VSNL1: variants seen among roughly 807,000 people sequenced by gnomAD.
VSNL1 encodes visinin like 1.
A neutral mutation model predicts 20.4 loss-of-function variants in VSNL1; 6 were observed. That is an observed-to-expected ratio of 0.29 (90% CI 0.16 to 0.58). VSNL1 has a LOEUF of 0.58. VSNL1 is among the 20% of genes least tolerant of loss of function. VSNL1 has a pLI of 0.90. For synonymous variants in VSNL1, 93 were observed against 86.4 expected (o/e 1.08, Z -0.42); for missense variants, 100 against 234.5 (o/e 0.43, Z 3.75).
chr2:17,649,656 G>A lies in VSNL1; in HGVS notation c.378+31G>A, dbSNP rs762520971. On this transcript the variant is annotated intron_variant, in intron 3 of 3. Transcript: ENST00000295156. The surrounding 1 kb of genome is among the most constrained non-coding windows in gnomAD (Gnocchi z 6.4). ...GCCCGGGGTGTGGTTGGCGGGTGGT[G>A]GGCACAGAAGGAGACCCCACGGCAG... 7 of 1,609,670 alleles carry A rather than the reference G, an allele frequency of 4.3e-6. No homozygotes were observed. The highest frequency in any genetic ancestry group is 4.0e-5 in the African/African-American group (3 of 74,796).
At chr2:17,629,840 C>T (rs1665592401) in intron 2 of VSNL1, among the ~76,000 whole-genome samples, 1 of 152,210 alleles carries the variant, frequency 6.6e-6, no homozygotes, top group South Asian at 2.1e-4. Flanking sequence ...TGAAACAGCT[C>T]TCAGCTGAGA....
chr2:17,579,817 TACAA>T (rs970113479), intron 1 of VSNL1, among the ~76,000 whole-genome samples: 2 of 152,186 alleles, frequency 1.3e-5, no homozygotes, highest in African/African-American at 4.8e-5. Flanking sequence ...CCACTCCCTT[TACAA>T]ACAATGAATT....
At chr2:17,600,355 A>C (rs1346436296) in intron 2 of VSNL1, among the ~76,000 whole-genome samples, 2 of 152,214 alleles carry the variant, frequency 1.3e-5, no homozygotes, top group Non-Finnish European at 2.9e-5. Context: ...GCATTGAATC[A>C]TCTTGCACAG....
intron 2 of VSNL1, among the ~76,000 whole-genome samples, chr2:17,594,139 G>A (rs1664658222): frequency 6.6e-6 from 1 of 152,204 alleles, no homozygotes; most frequent in Non-Finnish European, 1.5e-5. Context: ...CTCAAGGTGA[G>A]GGGTCATGTA....
intron 1 of VSNL1, among the ~76,000 whole-genome samples, chr2:17,542,379 G>A (rs868598370): frequency 2.0e-5 from 3 of 152,152 alleles, no homozygotes; most frequent in Non-Finnish European, 2.9e-5. Flanking sequence ...TGGCTAGTGC[G>A]TGCTGGATTT....
chr2:17,592,679 T>C (rs977791225), intron 2 of VSNL1, among the ~76,000 whole-genome samples: 1 of 71,130 alleles, frequency 1.4e-5, no homozygotes, highest in South Asian at 5.3e-4. Flanking sequence ...TTTTTTTTTT[T>C]ACCAGAAAAG....
chr2:17,555,498 C>G (rs1421575667), intron 1 of VSNL1, among the ~76,000 whole-genome samples: 1 of 152,078 alleles, frequency 6.6e-6, no homozygotes, highest in African/African-American at 2.4e-5. Context: ...TAAATATCAT[C>G]TTCATCATAT....
intron 1 of VSNL1, among the ~76,000 whole-genome samples, chr2:17,548,115 T>G (rs1663443251): frequency 6.6e-6 from 1 of 152,094 alleles, no homozygotes; most frequent in South Asian, 2.1e-4. Flanking sequence ...TCTTTCATTC[T>G]TTTCTCCCAG....
chr2:17,585,657 C>T (rs1457424241), intron 1 of VSNL1, among the ~76,000 whole-genome samples: 1 of 152,066 alleles, frequency 6.6e-6, no homozygotes, highest in Non-Finnish European at 1.5e-5. Flanking sequence ...CCAGCTCTGC[C>T]ATCAGCTGCC....
chr2:17,604,541 G>A (rs1255509938), intron 2 of VSNL1, among the ~76,000 whole-genome samples: 4 of 152,244 alleles, frequency 2.6e-5, no homozygotes, highest in Non-Finnish European at 5.9e-5. Flanking sequence ...AGAGAAGCTG[G>A]TGATGACTTG....
chr2:17,638,582 C>T (rs139922579), intron 2 of VSNL1, among the ~76,000 whole-genome samples: 87 of 152,316 alleles, frequency 5.7e-4, no homozygotes, highest in African/African-American at 2.0e-3. Context: ...CTCCTTCCCA[C>T]GCCCTACAGG....
chr2:17,631,359 T>A (rs774758964), intron 2 of VSNL1, among the ~76,000 whole-genome samples: 3 of 152,052 alleles, frequency 2.0e-5, no homozygotes, highest in Non-Finnish European at 4.4e-5. Context: ...AACTTGTATA[T>A]GATTTTTCCA....
chr2:17,609,246 C>T (rs7567064), intron 2 of VSNL1, among the ~76,000 whole-genome samples: 45,350 of 151,954 alleles, frequency 0.3, 7,178 homozygotes, highest in African/African-American at 0.38. Context: ...GTCACATAAG[C>T]TGGTAGGAAG....
In VSNL1 at chr2:17,592,636, CTCTCTTTTTTTTTTT is replaced by C. The variant is rs1664617199; in HGVS notation, c.162+402_162+416del. ...ACACAAGAGGGCTTTTTCTCTCTCTCTCTCTTTTTTTTTTTTTTTTTTTTTTTTTTTTTTTTTTTT... is the reference window on the plus strand; with the variant it reads ...ACACAAGAGGGCTTTTTCTCTCTCTCTTTTTTTTTTTTTTTTTTTTTTTTT... On this transcript the variant is annotated intron_variant, in intron 2 of 3. Coordinates refer to ENST00000295156, the MANE Select transcript of VSNL1 (RefSeq NM_003385.5). 2.4e-5 allele frequency among the ~76,000 whole-genome samples: 2 copies of C among 83,002 alleles called. 1 individual carries two copies. The highest frequency in any genetic ancestry group is 3.3e-4 in the Admixed American group (2 of 6,142). The allele number at this position is 83,002 out of a possible 152,430, so 54.5% of individuals were successfully genotyped here. A position where few individuals can be genotyped will look rare whatever the true frequency, so the allele number is the denominator to read the frequency against.
chr2:17,578,862 A>G (rs532082809), intron 1 of VSNL1, among the ~76,000 whole-genome samples: 1 of 152,382 alleles, frequency 6.6e-6, no homozygotes, highest in Non-Finnish European at 1.5e-5. Flanking sequence ...CAGGGACCTC[A>G]CAGAAGAGGG....
chr2:17,556,737 G>T (rs1172912692), intron 1 of VSNL1, among the ~76,000 whole-genome samples: 1 of 152,064 alleles, frequency 6.6e-6, no homozygotes, highest in Non-Finnish European at 1.5e-5. Context: ...GTTCACCAGG[G>T]TATTATTTTC....
rs551970209 is a variant in VSNL1 at position 17,636,440 on chromosome 2, T to C, written c.163-12970T>C. Among the ~76,000 whole-genome samples, 8 of 152,342 alleles carry C rather than the reference T, an allele frequency of 5.3e-5. No homozygotes were observed. The South Asian group carries it at 1.7e-3, about 32-fold the overall frequency. On this transcript the variant is annotated intron_variant, in intron 2 of 3. Coordinates refer to ENST00000295156, the MANE Select transcript of VSNL1 (RefSeq NM_003385.5). ...TGCACATATTCCCGAAGATCTTTTA[T>C]GGCAACAGCTCATACACGCCCTTTC...
chr2:17,569,058 A>AG, intron 1 of VSNL1, among the ~76,000 whole-genome samples: 1 of 152,340 alleles, frequency 6.6e-6, no homozygotes, highest in South Asian at 2.1e-4. Context: ...CTGTAATCAC[A>AG]GCACTTTGGG....
intron 1 of VSNL1, among the ~76,000 whole-genome samples, chr2:17,581,564 A>G (rs1664349696): frequency 6.6e-6 from 1 of 152,186 alleles, no homozygotes. Flanking sequence ...CTTTGTATAT[A>G]TGTCTTAACA....
Sources: gnomAD v4.1 joint callset for allele counts (sites outside exome capture counted in the v4.1 genomes callset) on GRCh38, gnomAD v4.1.1 for gene constraint, Gnocchi (gnomAD v3.1) non-coding constraint, MANE v1.5 for transcripts, NCBI Gene and HGNC (gene_info 2026-07-23, HGNC 2026-07-21) for gene names.